The following CFAP70 variants were observed in gnomAD, a reference collection of about 807,000 sequenced individuals.
CFAP70 encodes cilia- and flagella-associated protein 70.
Under a neutral mutation model 137.6 loss-of-function variants are expected in CFAP70, and 81 were observed. That is an observed-to-expected ratio of 0.59 (90% CI 0.49 to 0.71). The LOEUF is 0.71. CFAP70 is among the 30% of genes least tolerant of loss of function. The pLI, the probability that CFAP70 is intolerant of heterozygous loss-of-function variation, is 0.00. For synonymous variants in CFAP70, 382 were observed against 423.6 expected (o/e 0.90, Z 1.20); for missense variants, 976 against 1,226.7 (o/e 0.80, Z 3.05).
intron 24 of CFAP70, among the ~76,000 whole-genome samples, chr10:73,270,592 A>G (rs1362999803): frequency 1.7e-5 from 2 of 114,878 alleles, no homozygotes; most frequent in East Asian, 5.9e-4. Flanking sequence ...CTGGAGTGCA[A>G]TGGCATGATT....
intron 9 of CFAP70, among the ~76,000 whole-genome samples, chr10:73,314,825 C>G (rs1206655416): frequency 6.6e-6 from 1 of 151,862 alleles, no homozygotes; most frequent in Non-Finnish European, 1.5e-5. Context: ...AGGCTTGTCT[C>G]AAACTCCTGG....
chr10:73,256,411 T>A (rs770295633), exon 26 of CFAP70: 2 of 1,613,868 alleles, frequency 1.2e-6, no homozygotes, highest in Non-Finnish European at 1.7e-6. Context: ...CTAATTGCCG[T>A]CCAACCTGAA....
intron 6 of CFAP70, among the ~76,000 whole-genome samples, chr10:73,337,419 G>A (rs1036134425): frequency 1.3e-5 from 2 of 152,228 alleles, no homozygotes; most frequent in Non-Finnish European, 2.9e-5. Flanking sequence ...AAGAGGCAGA[G>A]GTTGCAGTGA....
intron 12 of CFAP70, among the ~76,000 whole-genome samples, chr10:73,309,715 G>A (rs558830618): frequency 3.2e-4 from 49 of 150,938 alleles, no homozygotes; most frequent in African/African-American, 1.2e-3. Flanking sequence ...GGAGTGCAGT[G>A]GTGCGATCTC....
At chr10:73,266,411 T>C (rs1374189217) in intron 25 of CFAP70, among the ~76,000 whole-genome samples, 1 of 152,164 alleles carries the variant, frequency 6.6e-6, no homozygotes, top group Admixed American at 6.5e-5. Flanking sequence ...TGCTTGTAGA[T>C]TTTCTTGGGT....
chr10:73,355,506 C>T (rs1016242313), intron 1 of CFAP70, among the ~76,000 whole-genome samples: 4 of 152,182 alleles, frequency 2.6e-5, no homozygotes, highest in East Asian at 1.9e-4. Context: ...AGGCTAGGCA[C>T]GGTGGCTCAC....
At chr10:73,324,029 T>C (rs1321154773) in intron 8 of CFAP70, among the ~76,000 whole-genome samples, 2 of 152,186 alleles carry the variant, frequency 1.3e-5, no homozygotes, top group East Asian at 3.9e-4. Flanking sequence ...GCACACTGCC[T>C]CTTCAAGTGG....
At chr10:73,287,855 CTAT>C (rs2047857896) in intron 19 of CFAP70, among the ~76,000 whole-genome samples, 10 of 124,786 alleles carry the variant, frequency 8.0e-5, no homozygotes, top group African/African-American at 2.9e-4. Flanking sequence ...ATTTTAACAT[CTAT>C]CTATCTATCT....
At chr10:73,354,638 C>T in intron 2 of CFAP70, 96 bp downstream of exon 2, 1 of 945,696 alleles carries the variant, frequency 1.1e-6, no homozygotes, top group Non-Finnish European at 1.7e-6. Flanking sequence ...TACATAAAGC[C>T]AGGAGGTTTG....
At chr10:73,298,922 G>A (rs1564805060) in exon 14 of CFAP70, 5 of 1,613,654 alleles carry the variant, frequency 3.1e-6, no homozygotes, top group East Asian at 4.5e-5. Flanking sequence ...GTTGTTCTTT[G>A]AAAGCAAAGT....
intron 3 of CFAP70, among the ~76,000 whole-genome samples, chr10:73,349,232 T>A (rs1365552481): frequency 6.6e-6 from 1 of 151,790 alleles, no homozygotes; most frequent in African/African-American, 2.4e-5. Flanking sequence ...AAAGTCACAA[T>A]CTGAAGTTTG....
chr10:73,297,118 C>T (rs1244009442), exon 15 of CFAP70: 2 of 1,613,874 alleles, frequency 1.2e-6, no homozygotes, highest in South Asian at 1.1e-5. Flanking sequence ...TTCCTCCTGG[C>T]TTTCAAATGA....
intron 6 of CFAP70, among the ~76,000 whole-genome samples, chr10:73,339,469 G>C (rs2053037011): frequency 6.6e-6 from 1 of 152,168 alleles, no homozygotes; most frequent in Non-Finnish European, 1.5e-5. Context: ...TCTGTGGCTG[G>C]TCACACCTTT....
intron 19 of CFAP70, among the ~76,000 whole-genome samples, chr10:73,289,518 T>C (rs1186560327): frequency 6.6e-6 from 1 of 151,794 alleles, no homozygotes; most frequent in East Asian, 2.0e-4. Context: ...TCTCCTGACC[T>C]TGTGATCCGC....
chr10:73,327,021 A>G (rs1401720635), intron 8 of CFAP70, among the ~76,000 whole-genome samples: 18 of 151,696 alleles, frequency 1.2e-4, no homozygotes, highest in Admixed American at 2.0e-4. Context: ...AAAGCCTGGC[A>G]GAGACACAAC....
chr10:73,295,345 A>G (rs2048460810), intron 15 of CFAP70: 1 of 145,564 alleles, frequency 6.9e-6, no homozygotes, highest in Admixed American at 6.7e-5. Context: ...AAGAGAAAGA[A>G]AGAAATGAAG....
At chr10:73,319,734 C>T (rs985235062) in intron 9 of CFAP70, among the ~76,000 whole-genome samples, 17 of 152,186 alleles carry the variant, frequency 1.1e-4, no homozygotes, top group Non-Finnish European at 2.2e-4. Context: ...GGTGAGCAAA[C>T]ATCAGTTTGG....
At chr10:73,352,429 T>C (rs1212393930) in intron 3 of CFAP70, among the ~76,000 whole-genome samples, 2 of 152,234 alleles carry the variant, frequency 1.3e-5, no homozygotes, top group Non-Finnish European at 2.9e-5. Context: ...GCCGCTTTCA[T>C]AGTCTTTTGG....
chr10:73,303,389 T>C (rs1438161434), intron 12 of CFAP70, among the ~76,000 whole-genome samples: 1 of 152,082 alleles, frequency 6.6e-6, no homozygotes, highest in Admixed American at 6.6e-5. Flanking sequence ...GGCTAATTTT[T>C]TTGTATTTTT....
Sources: allele counts gnomAD v4.1 joint callset (sites outside exome capture counted in the v4.1 genomes callset), GRCh38; gene constraint gnomAD v4.1.1; transcripts MANE v1.5; gene names NCBI Gene and HGNC (gene_info 2026-07-23, HGNC 2026-07-21).